CAB39: variants seen among roughly 807,000 people sequenced by gnomAD.
The protein encoded by CAB39 is calcium-binding protein 39.
In CAB39, 8 loss-of-function variants were observed where a neutral mutation model predicts 40.0. That is an observed-to-expected ratio of 0.20 (90% CI 0.12 to 0.36). The LOEUF (loss-of-function observed/expected upper bound fraction) is 0.36. CAB39 is among the 10% of genes least tolerant of loss of function. The probability of loss-of-function intolerance (pLI) is 1.00; values close to 1 mark genes in which losing one functional copy is unlikely to be tolerated. For synonymous variants in CAB39, 156 were observed against 141.6 expected (o/e 1.10, Z -0.72); for missense variants, 270 against 401.1 (o/e 0.67, Z 2.79).
intron 1 of CAB39, among the ~76,000 whole-genome samples, chr2:230,731,965 G>T (rs1471322767): frequency 2.6e-5 from 4 of 152,198 alleles, no homozygotes; most frequent in Admixed American, 1.3e-4. Context: ...GATTTTATTG[G>T]TACACCCCAT....
chr2:230,714,476 CTATAAAAT>C (rs1694313498), intron 1 of CAB39, among the ~76,000 whole-genome samples: 1 of 152,180 alleles, frequency 6.6e-6, no homozygotes, highest in Admixed American at 6.5e-5. Context: ...GGAAAGGTGT[CTATAAAAT>C]AAGCTCATCT....
At chr2:230,806,491 A>C (rs752599027) in intron 5 of CAB39, among the ~76,000 whole-genome samples, 1 of 152,212 alleles carries the variant, frequency 6.6e-6, no homozygotes, top group Non-Finnish European at 1.5e-5. Context: ...TAAGAGGCAC[A>C]TAGACAAATA....
chr2:230,770,078 A>G (rs1421267862), intron 2 of CAB39, among the ~76,000 whole-genome samples: 2 of 152,318 alleles, frequency 1.3e-5, no homozygotes, highest in East Asian at 1.9e-4. Flanking sequence ...AATATATTTA[A>G]AAAGAAGAAA....
At chr2:230,721,053 C>T (rs930637625) in intron 1 of CAB39, among the ~76,000 whole-genome samples, 3 of 152,168 alleles carry the variant, frequency 2.0e-5, no homozygotes, top group Non-Finnish European at 4.4e-5. Flanking sequence ...TATCTTCCCT[C>T]CCCTCTTCCC....
Position 230,759,959 on chromosome 2 carries a change from G to T in CAB39, c.-43G>T, listed in dbSNP as rs371339500. On this transcript the variant is annotated splice_region_variant and 5_prime_UTR_variant, in exon 2 of 9. Coordinates refer to ENST00000258418, the MANE Select transcript of CAB39 (RefSeq NM_016289.4). ...ACATGAACCTTGTGCTGTGTTCTAG[G>T]TAGCACAGGCGGAGTGCAGCGGAGG... 3.0e-5 allele frequency: 32 copies of T among 1,052,998 alleles called. No homozygotes were observed. The highest frequency in any genetic ancestry group is 4.5e-5 in the Non-Finnish European group (30 of 670,588). The allele number at this position is 1,052,998 out of a possible 1,614,324, so 65.2% of individuals were successfully genotyped here. A position where few individuals can be genotyped will look rare whatever the true frequency, so the allele number is the denominator to read the frequency against.
intron 2 of CAB39, among the ~76,000 whole-genome samples, chr2:230,787,792 A>T (rs147746987): frequency 1.7e-3 from 254 of 152,194 alleles, no homozygotes; most frequent in African/African-American, 5.7e-3. Context: ...TTTTCTGGAG[A>T]AGATGACAAT....
At chr2:230,733,427 T>G (rs1225619505) in intron 1 of CAB39, among the ~76,000 whole-genome samples, 1 of 152,202 alleles carries the variant, frequency 6.6e-6, no homozygotes, top group Non-Finnish European at 1.5e-5. Context: ...TAGCATTCCT[T>G]CCTTGAAACT....
At chr2:230,752,545 G>A (rs757241032) in intron 1 of CAB39, among the ~76,000 whole-genome samples, 5 of 152,124 alleles carry the variant, frequency 3.3e-5, no homozygotes, top group Non-Finnish European at 7.4e-5. Context: ...GTAGGTCCTC[G>A]TTATAGTGAC....
chr2:230,746,751 C>T (rs1694984653), intron 1 of CAB39, among the ~76,000 whole-genome samples: 1 of 152,102 alleles, frequency 6.6e-6, no homozygotes, highest in Admixed American at 6.6e-5. Context: ...TTCTAGTCAA[C>T]TCTTGGTTAT....
intron 4 of CAB39, among the ~76,000 whole-genome samples, chr2:230,797,178 G>A (rs1575953806): frequency 6.6e-6 from 1 of 152,162 alleles, no homozygotes; most frequent in East Asian, 1.9e-4. Context: ...ATGAATAAAA[G>A]GAAATGAAAC....
rs183719230 is a variant in CAB39 at position 230,780,108 on chromosome 2, C to T, written c.115-10764C>T. Among the ~76,000 whole-genome samples the T allele has an allele frequency of 7.2e-4, 110 of 152,284 alleles. 1 individual carries two copies. Among genetic ancestry groups the T allele is most frequent in the Non-Finnish European group, 1.4e-3 (94 of 68,006 alleles). ...TGAGGCCACAGAACTGGCACAATTG[C>T]ACAGGGGGTACCTGAGTCAAAGCTA... On this transcript the variant is annotated intron_variant, in intron 2 of 8. Transcript: ENST00000258418.
chr2:230,736,161 G>A (rs997440295), intron 1 of CAB39, among the ~76,000 whole-genome samples: 14 of 152,166 alleles, frequency 9.2e-5, no homozygotes, highest in Non-Finnish European at 1.5e-5. Context: ...TTGACTTAAT[G>A]TAGTAATCTC....
intron 1 of CAB39, among the ~76,000 whole-genome samples, chr2:230,748,750 T>G (rs1282428509): frequency 7.0e-6 from 1 of 143,010 alleles, no homozygotes; most frequent in East Asian, 2.1e-4. Context: ...GAGTTTGCAG[T>G]GAGCTGAGAT....
intron 1 of CAB39, among the ~76,000 whole-genome samples, chr2:230,750,572 A>T (rs1559597678): frequency 3.4e-5 from 5 of 148,740 alleles, no homozygotes; most frequent in South Asian, 4.3e-4. Context: ...CACATCTTTT[A>T]TTTTTTTTTT....
At chr2:230,725,975 T>G (rs991734164) in intron 1 of CAB39, among the ~76,000 whole-genome samples, 1 of 152,238 alleles carries the variant, frequency 6.6e-6, no homozygotes, top group African/African-American at 2.4e-5. Flanking sequence ...ATCCATTTAT[T>G]TATTAACTAT....
rs1280371163 is a variant in CAB39, at chr2:230,817,785, A to G, written c.725A>G (p.Asn242Ser). ...LLGELLLDRH[N>S]FTIMTKYISK... is the part of the protein sequence containing the mutation. ...GGTGAACTACTACTAGATAGACACAACTTCACAATTATGACAAAATACATC... is the reference window on the plus strand; with the variant it reads ...GGTGAACTACTACTAGATAGACACAGCTTCACAATTATGACAAAATACATC... Residue 242 changes from asparagine (N) to serine (S), a missense_variant, in exon 8 of 9, where the codon AAC (asparagine) becomes AGC (serine). Physicochemically the swap from Asn to Ser is conservative, Grantham distance 46. Transcript: ENST00000258418. 6.2e-7 allele frequency: 1 copy of G among 1,610,996 alleles called. No homozygotes were observed. Among genetic ancestry groups the G allele is most frequent in the African/African-American group, 1.3e-5 (1 of 74,642 alleles).
intron 1 of CAB39, among the ~76,000 whole-genome samples, chr2:230,731,854 A>C (rs1694696037): frequency 6.6e-6 from 1 of 152,182 alleles, no homozygotes; most frequent in South Asian, 2.1e-4. Context: ...AATATTTAAA[A>C]CATCTAGCTA....
Position 230,787,354 on chromosome 2 carries a change from G to A in CAB39, c.115-3518G>A, listed in dbSNP as rs578171823. On this transcript the variant is annotated intron_variant, in intron 2 of 8. Coordinates refer to ENST00000258418, the MANE Select transcript of CAB39 (RefSeq NM_016289.4). ...AGCATTTTAGTCAATGATTGAGGCA[G>A]GTCATGGGAGACATACATATGAGAT... 7.2e-5 allele frequency among the ~76,000 whole-genome samples: 11 copies of A among 152,216 alleles called. No individual in the cohort carries two copies. In the South Asian group the frequency reaches 2.3e-3, roughly 32 times the overall value.
intron 2 of CAB39, among the ~76,000 whole-genome samples, chr2:230,763,683 T>C (rs1040752665): frequency 1.3e-5 from 2 of 152,190 alleles, no homozygotes; most frequent in Non-Finnish European, 1.5e-5. Flanking sequence ...TTTCAGATAA[T>C]GTAAAATATT....
Sources: allele counts gnomAD v4.1 joint callset (sites outside exome capture counted in the v4.1 genomes callset), GRCh38; gene constraint gnomAD v4.1.1; transcripts MANE v1.5; gene names NCBI Gene and HGNC (gene_info 2026-07-23, HGNC 2026-07-21).